ZFPM2: variants seen among roughly 807,000 people sequenced by gnomAD.
The protein encoded by ZFPM2 is zinc finger protein ZFPM2.
Under a neutral mutation model 98.6 loss-of-function variants are expected in ZFPM2, and 20 were observed. The ratio of observed to expected loss-of-function variants is 0.20; its 90% CI spans 0.14 to 0.29. The LOEUF is 0.29. ZFPM2 is among the 10% of genes least tolerant of loss of function. ZFPM2 has a pLI of 1.00. For synonymous variants in ZFPM2, 518 were observed against 502.7 expected, an observed-to-expected ratio of 1.03 and a Z score of -0.41; for missense variants, 1,310 against 1,388.6, an observed-to-expected ratio of 0.94 and a Z score of 0.90.
At chr8:105,464,939 T>C (rs1252893573) in intron 3 of ZFPM2, among the ~76,000 whole-genome samples, 2 of 149,912 alleles carry the variant, frequency 1.3e-5, no homozygotes, top group African/African-American at 2.5e-5. Flanking sequence ...TGTAGTTTGT[T>C]TGAAAATGCT....
intron 5 of ZFPM2, chr8:105,782,505 C>G (rs1299651903): frequency 6.6e-6 from 1 of 152,122 alleles, no homozygotes; most frequent in Non-Finnish European, 1.5e-5. Flanking sequence ...AACATTTACC[C>G]TTGAATGGCA....
At chr8:105,425,732 C>T in intron 2 of ZFPM2, among the ~76,000 whole-genome samples, 1 of 152,140 alleles carries the variant, frequency 6.6e-6, no homozygotes, top group South Asian at 2.1e-4. Context: ...TCCTTGTTAC[C>T]TGTAACAAAT....
At chr8:105,652,267 C>T (rs1286755819) in intron 5 of ZFPM2, among the ~76,000 whole-genome samples, 1 of 70,826 alleles carries the variant, frequency 1.4e-5, no homozygotes, top group East Asian at 4.2e-4. Flanking sequence ...TTCATTTTAC[C>T]ACTGATGTAG....
chr8:105,668,511 A>T lies in ZFPM2; in HGVS notation c.532+34154A>T, dbSNP rs573121418. On this transcript the variant is annotated intron_variant, in intron 5 of 7. Transcript: ENST00000407775. ...GTATCCCTTTCTTGAGAAAAAAAAA[A>T]GTGGGGGTACATTTTTGTCCGCATC... 6.6e-5 allele frequency among the ~76,000 whole-genome samples: 10 copies of T among 152,254 alleles called. No individual in the cohort carries two copies. In the East Asian group the frequency reaches 1.7e-3, roughly 26 times the overall value.
intron 5 of ZFPM2, among the ~76,000 whole-genome samples, chr8:105,675,598 T>C (rs1488106443): frequency 1.3e-5 from 2 of 152,094 alleles, no homozygotes; most frequent in Non-Finnish European, 2.9e-5. Context: ...TCTCTGACTG[T>C]CTGCAAAGAA....
intron 4 of ZFPM2, among the ~76,000 whole-genome samples, chr8:105,593,805 A>T (rs1001081009): frequency 2.0e-5 from 3 of 151,642 alleles, no homozygotes; most frequent in African/African-American, 7.2e-5. Flanking sequence ...TTGCAAAAAA[A>T]ATTGTGATTT....
rs1812863431 is a variant in ZFPM2 at position 105,469,844 on chromosome 8, G to A, written c.301+25463G>A. ...TTCATAATTTGCCCAATATCACAAA[G>A]CCACATAGCTCATCAGAGGGTTGAA... On this transcript the variant is annotated intron_variant, in intron 3 of 7. Coordinates refer to ENST00000407775, the MANE Select transcript of ZFPM2 (RefSeq NM_012082.4). Among the ~76,000 whole-genome samples, 3 of 152,234 alleles carry A rather than the reference G, an allele frequency of 2.0e-5. No homozygotes were observed. In the South Asian group the frequency reaches 6.2e-4, roughly 32 times the overall value.
At chr8:105,517,707 C>CACCACACACACACACACACA (rs61552974) in intron 3 of ZFPM2, among the ~76,000 whole-genome samples, 4,678 of 124,726 alleles carry the variant, frequency 0.038, 117 homozygotes, top group East Asian at 0.045. Context: ...CACACACACA[C>CACCACACACACACACACACA]CACACACACA....
intron 5 of ZFPM2, among the ~76,000 whole-genome samples, chr8:105,652,254 C>T (rs544562961): frequency 1.2e-5 from 1 of 84,208 alleles, no homozygotes; most frequent in African/African-American, 5.2e-5. Flanking sequence ...AAATTGGAGG[C>T]TTTTCATTTT....
intron 3 of ZFPM2, among the ~76,000 whole-genome samples, chr8:105,454,971 G>A (rs1217175085): frequency 1.6e-4 from 25 of 152,136 alleles, no homozygotes; most frequent in Admixed American, 1.6e-3. Context: ...TAAACCTGGA[G>A]TGAGCTGTTT....
At chr8:105,568,858 C>A (rs1815296671) in intron 4 of ZFPM2, among the ~76,000 whole-genome samples, 1 of 152,082 alleles carries the variant, frequency 6.6e-6, no homozygotes, top group African/African-American at 2.4e-5. Flanking sequence ...AGTTCTGACC[C>A]CTTTTCCACT....
At chr8:105,489,952 T>A (rs1396961651) in intron 3 of ZFPM2, among the ~76,000 whole-genome samples, 1 of 151,950 alleles carries the variant, frequency 6.6e-6, no homozygotes, top group East Asian at 1.9e-4. Flanking sequence ...AGATTATTTT[T>A]AAAAAATGAT....
At chr8:105,450,120 T>C (rs1256853511) in intron 3 of ZFPM2, among the ~76,000 whole-genome samples, 2 of 152,146 alleles carry the variant, frequency 1.3e-5, no homozygotes, top group Non-Finnish European at 2.9e-5. Context: ...TTGGTCAAGG[T>C]ATCTGTAAAT....
intron 1 of ZFPM2, among the ~76,000 whole-genome samples, chr8:105,402,214 G>A (rs1811355093): frequency 6.6e-6 from 1 of 151,918 alleles, no homozygotes; most frequent in South Asian, 2.1e-4. Flanking sequence ...TCATTTGGAA[G>A]CATCTTTAAC....
At chr8:105,396,966 A>T (rs1811232284) in intron 1 of ZFPM2, among the ~76,000 whole-genome samples, 1 of 152,244 alleles carries the variant, frequency 6.6e-6, no homozygotes, top group South Asian at 2.1e-4. Flanking sequence ...TTCTGATTAC[A>T]TGTAAATGTT....
chr8:105,623,708 A>G (rs1011859903), intron 4 of ZFPM2, among the ~76,000 whole-genome samples: 2 of 152,120 alleles, frequency 1.3e-5, no homozygotes, highest in African/African-American at 4.8e-5. Context: ...CCTTTGGGTA[A>G]TTCTGAAATA....
At chr8:105,383,684 T>C (rs193110238) in intron 1 of ZFPM2, among the ~76,000 whole-genome samples, 7 of 152,256 alleles carry the variant, frequency 4.6e-5, no homozygotes, top group Admixed American at 3.9e-4. Flanking sequence ...CCGGAGTATA[T>C]GAAAATAGAG....
At chr8:105,413,920 G>C (rs191732339) in intron 1 of ZFPM2, among the ~76,000 whole-genome samples, 1 of 151,962 alleles carries the variant, frequency 6.6e-6, no homozygotes, top group East Asian at 1.9e-4. Context: ...TGTTTTCGGG[G>C]CAAATTCACC....
At chr8:105,595,120 G>C (rs1282164725) in intron 4 of ZFPM2, among the ~76,000 whole-genome samples, 1 of 152,140 alleles carries the variant, frequency 6.6e-6, no homozygotes. Context: ...AGCAATTTGA[G>C]AGTAAAGAAA....
Sources: gnomAD v4.1 joint callset for allele counts (sites outside exome capture counted in the v4.1 genomes callset) on GRCh38, gnomAD v4.1.1 for gene constraint, MANE v1.5 for transcripts, NCBI Gene and HGNC (gene_info 2026-07-23, HGNC 2026-07-21) for gene names.